Variants in FRRS1L observed in about 807,000 individuals in gnomAD.
FRRS1L encodes ferric chelate reductase 1 like.
Under a neutral mutation model 28.6 loss-of-function variants are expected in FRRS1L, and 22 were observed. The ratio of observed to expected loss-of-function variants is 0.77; its 90% CI spans 0.55 to 1.10. FRRS1L has a LOEUF of 1.10. Ranked by LOEUF, FRRS1L falls within the 50% of genes least tolerant of loss-of-function variation. The pLI, the probability that FRRS1L is intolerant of heterozygous loss-of-function variation, is 0.00. For missense variants in FRRS1L, 380 were observed against 386.9 expected (o/e 0.98, Z 0.15); for synonymous variants, 158 against 151.4 (o/e 1.04, Z -0.32).
intron 3 of FRRS1L, among the ~76,000 whole-genome samples, chr9:109,144,800 CA>C (rs1831234718): frequency 6.6e-6 from 1 of 152,088 alleles, no homozygotes. Flanking sequence ...TCTCCCGCCT[CA>C]GCCTCTCGAG....
intron 1 of FRRS1L, among the ~76,000 whole-genome samples, chr9:109,155,462 C>A (rs187356149): frequency 6.6e-6 from 1 of 152,018 alleles, no homozygotes; most frequent in South Asian, 2.1e-4. Flanking sequence ...GCCTGTAATC[C>A]CAGCACTTTA....
chr9:109,161,980 A>G (rs1301241091), intron 1 of FRRS1L, among the ~76,000 whole-genome samples: 1 of 152,168 alleles, frequency 6.6e-6, no homozygotes, highest in Non-Finnish European at 1.5e-5. Context: ...ACTGTCTACC[A>G]TATCAGTTCC....
In FRRS1L at chr9:109,166,892, C is replaced by A. The variant is rs1831559687; in HGVS notation, c.238+9G>T. 1 of 1,305,998 alleles carries A rather than the reference C, an allele frequency of 7.7e-7. No homozygotes were observed. The highest frequency in any genetic ancestry group is 9.8e-7 in the Non-Finnish European group (1 of 1,016,806). The allele number at this position is 1,305,998 out of a possible 1,614,324, so 80.9% of individuals were successfully genotyped here. On this transcript the variant is annotated intron_variant, in intron 1 of 4. Transcript: ENST00000561981. ...CCTCCCGCAACCCCTCGCCCTCCCG[C>A]AGCCTCACCCTCCTCCGACAGGTAG...
chr9:109,148,494 T>C (rs892403280), intron 2 of FRRS1L: 1 of 152,176 alleles, frequency 6.6e-6, no homozygotes, highest in Admixed American at 6.5e-5. Context: ...TGAGGAACAC[T>C]GTATTACACC....
At chr9:109,153,717 G>T (rs963570158) in intron 1 of FRRS1L, among the ~76,000 whole-genome samples, 6 of 152,164 alleles carry the variant, frequency 3.9e-5, no homozygotes, top group African/African-American at 1.4e-4. Flanking sequence ...TCACTTGTGG[G>T]ATCTGCACTA....
At chr9:109,139,376 T>G (rs1831153053) in intron 4 of FRRS1L, 1 of 152,160 alleles carries the variant, frequency 6.6e-6, no homozygotes, top group African/African-American at 2.4e-5. Flanking sequence ...GGCTTTGAAC[T>G]TTAGGCTAGT....
At chr9:109,144,053 T>C (rs1198523804) in intron 3 of FRRS1L, among the ~76,000 whole-genome samples, 1 of 152,146 alleles carries the variant, frequency 6.6e-6, no homozygotes, top group Non-Finnish European at 1.5e-5. Flanking sequence ...TTAACAGCCC[T>C]ACCACGAGTG....
At chr9:109,139,759 T>G (rs755710713) in intron 4 of FRRS1L, 9 of 152,170 alleles carry the variant, frequency 5.9e-5, no homozygotes, top group Non-Finnish European at 1.0e-4. Context: ...GTGTCACCAA[T>G]CTGGAGACAG....
chr9:109,141,826 A>C (rs1831191353), intron 3 of FRRS1L, among the ~76,000 whole-genome samples: 1 of 152,192 alleles, frequency 6.6e-6, no homozygotes, highest in Admixed American at 6.5e-5. Context: ...AATCCTGCCC[A>C]AAACACAAAC....
chr9:109,165,644 TG>T (rs1178082416), intron 1 of FRRS1L, among the ~76,000 whole-genome samples: 1 of 152,260 alleles, frequency 6.6e-6, no homozygotes, highest in African/African-American at 2.4e-5. Flanking sequence ...ATTTTTGAAC[TG>T]GGCATATTAT....
intron 1 of FRRS1L, among the ~76,000 whole-genome samples, chr9:109,152,632 T>C (rs1040614182): frequency 2.7e-5 from 4 of 149,000 alleles, no homozygotes; most frequent in African/African-American, 9.9e-5. Flanking sequence ...GTGAAACCCG[T>C]CTCTACTAAA....
chr9:109,156,752 G>A (rs560937068), intron 1 of FRRS1L, among the ~76,000 whole-genome samples: 2 of 147,662 alleles, frequency 1.4e-5, no homozygotes, highest in South Asian at 4.3e-4. Flanking sequence ...GCACTGGCAC[G>A]ATGACTGTAA....
At chr9:109,145,053 G>A (rs1308366856) in intron 3 of FRRS1L, among the ~76,000 whole-genome samples, 1 of 152,206 alleles carries the variant, frequency 6.6e-6, no homozygotes, top group Admixed American at 6.5e-5. Flanking sequence ...ACAAGCCTCA[G>A]AATAGGCCAG....
chr9:109,143,274 C>T (rs545891744), intron 3 of FRRS1L, among the ~76,000 whole-genome samples: 2 of 152,056 alleles, frequency 1.3e-5, no homozygotes, highest in African/African-American at 4.8e-5. Context: ...GAAATAGTGC[C>T]ACTGAACTCC....
chr9:109,165,076 A>G (rs998426254), intron 1 of FRRS1L, among the ~76,000 whole-genome samples: 1 of 152,244 alleles, frequency 6.6e-6, no homozygotes, highest in Non-Finnish European at 1.5e-5. Context: ...AAGTTCTCAC[A>G]TACCACATTT....
At position 109,137,314 on chromosome 9, in the gene FRRS1L, T is replaced by C; in HGVS notation, c.*141A>G. The C allele has an allele frequency of 2.1e-6, 1 of 481,310 alleles. No individual in the cohort carries two copies. The highest frequency in any genetic ancestry group is 3.2e-5 in the East Asian group (1 of 31,076). The allele number at this position is 481,310 out of a possible 1,614,324, so 29.8% of individuals were successfully genotyped here. A position where few individuals can be genotyped will look rare whatever the true frequency, so the allele number is the denominator to read the frequency against. ...TTCTTTGACTACAAAAGAAGCTTGT[T>C]CTTTCTTCCAAAAAGCTGAAATTAT... On this transcript the variant is annotated 3_prime_UTR_variant, in exon 5 of 5. Coordinates refer to ENST00000561981, the MANE Select transcript of FRRS1L (RefSeq NM_014334.4).
intron 1 of FRRS1L, 26 bp from the exon 2 acceptor site, chr9:109,149,746 T>C (rs756334377): frequency 6.7e-7 from 1 of 1,484,544 alleles, no homozygotes; most frequent in Non-Finnish European, 9.4e-7. Flanking sequence ...AAAGAAGGGT[T>C]AGAAAATCCA....
At chr9:109,155,252 TA>T (rs1831389773) in intron 1 of FRRS1L, among the ~76,000 whole-genome samples, 1 of 152,266 alleles carries the variant, frequency 6.6e-6, no homozygotes, top group African/African-American at 2.4e-5. Flanking sequence ...GTGTATGTTT[TA>T]ATTTGCATAA....
intron 1 of FRRS1L, among the ~76,000 whole-genome samples, chr9:109,160,411 CTTTTA>C (rs915645111): frequency 1.3e-5 from 2 of 151,814 alleles, no homozygotes; most frequent in African/African-American, 4.8e-5. Flanking sequence ...CCTGCTATTC[CTTTTA>C]TTTATTTATT....
Sources: gnomAD v4.1 joint callset for allele counts (sites outside exome capture counted in the v4.1 genomes callset) on GRCh38, gnomAD v4.1.1 for gene constraint, MANE v1.5 for transcripts, NCBI Gene and HGNC (gene_info 2026-07-23, HGNC 2026-07-21) for gene names.